The following C12orf75 variants were observed in gnomAD, a reference collection of about 807,000 sequenced individuals.
C12orf75 encodes overexpressed in colon carcinoma 1 protein.
In C12orf75, 4 loss-of-function variants were observed where a neutral mutation model predicts 11.4. The observed-to-expected ratio is 0.35, with a 90% CI of 0.17 to 0.80. The LOEUF (loss-of-function observed/expected upper bound fraction) is 0.80. Ranked by LOEUF, C12orf75 falls within the 30% of genes least tolerant of loss-of-function variation. The pLI is 0.52. For missense variants in C12orf75, 89 were observed against 80.4 expected, an observed-to-expected ratio of 1.11 and a Z score of -0.41; for synonymous variants, 30 against 30.0, an observed-to-expected ratio of 1.00 and a Z score of 0.00.
At chr12:105,358,291 G>A (rs1174257473) in intron 2 of C12orf75, among the ~76,000 whole-genome samples, 2 of 152,198 alleles carry the variant, frequency 1.3e-5, no homozygotes. Flanking sequence ...TAAGGTGGGA[G>A]GATCACTTGA....
intron 2 of C12orf75, among the ~76,000 whole-genome samples, chr12:105,354,117 TGTA>T (rs1892746602): frequency 6.6e-6 from 1 of 152,166 alleles, no homozygotes; most frequent in South Asian, 2.1e-4. Flanking sequence ...TTCTCATCCA[TGTA>T]GTAGAAGGTA....
intron 1 of C12orf75, among the ~76,000 whole-genome samples, chr12:105,346,849 C>T (rs1413635170): frequency 6.6e-6 from 1 of 152,218 alleles, no homozygotes; most frequent in Non-Finnish European, 1.5e-5. Flanking sequence ...TTTTACACCT[C>T]TGTGACTTGT....
intron 1 of C12orf75, among the ~76,000 whole-genome samples, chr12:105,345,944 G>A (rs1295728671): frequency 6.6e-6 from 1 of 151,972 alleles, no homozygotes. Context: ...AATTACAGGC[G>A]TGAGCCACCG....
rs537233281 is a variant in C12orf75, at chr12:105,369,375, C to T, written c.*34-1259C>T. ...GTATTTTATTGCACCCCTCTCTCTC[C>T]TCAACTTTCCCCATTCTTTAACTCT... On this transcript the variant is annotated intron_variant, in intron 5 of 5. Coordinates refer to ENST00000443585, the MANE Select transcript of C12orf75 (RefSeq NM_001145199.2). Among the ~76,000 whole-genome samples the T allele has an allele frequency of 5.3e-5, 8 of 152,284 alleles. No homozygotes were observed. In the South Asian group the frequency reaches 1.7e-3, roughly 32 times the overall value.
At chr12:105,357,764 G>A (rs192747866) in intron 2 of C12orf75, among the ~76,000 whole-genome samples, 12 of 139,434 alleles carry the variant, frequency 8.6e-5, no homozygotes, top group African/African-American at 2.6e-5. Flanking sequence ...TTAGTTGAAT[G>A]CCCAATGTAT....
intron 2 of C12orf75, among the ~76,000 whole-genome samples, chr12:105,364,023 G>A (rs1022819002): frequency 1.3e-5 from 2 of 152,144 alleles, no homozygotes; most frequent in South Asian, 4.1e-4. Context: ...TTAAGCAAAA[G>A]GGGAAAGAAT....
chr12:105,366,597 T>A lies in C12orf75; in HGVS notation c.108-20T>A, dbSNP rs767282076. On this transcript the variant is annotated intron_variant, in intron 3 of 5. Transcript: ENST00000443585. ...AAATAGATAGTACCATTTAAATTGGTTTGATTTCTTTTTATCAAGAAACTA... is the reference window on the plus strand; with the variant it reads ...AAATAGATAGTACCATTTAAATTGGATTGATTTCTTTTTATCAAGAAACTA... 5 of 1,366,466 alleles carry A rather than the reference T, an allele frequency of 3.7e-6. No homozygotes were observed. In the South Asian group the frequency reaches 5.1e-5, roughly 14 times the overall value. The allele number at this position is 1,366,466 out of a possible 1,614,324, so 84.6% of individuals were successfully genotyped here. A position where few individuals can be genotyped will look rare whatever the true frequency, so the allele number is the denominator to read the frequency against.
chr12:105,357,837 G>C (rs1418282486), intron 2 of C12orf75, among the ~76,000 whole-genome samples: 1 of 138,834 alleles, frequency 7.2e-6, no homozygotes, highest in African/African-American at 2.6e-5. Context: ...AGAGGAGAGA[G>C]AGAGAGACAG....
chr12:105,357,278 A>C lies in C12orf75; in HGVS notation c.72-8529A>C, dbSNP rs138783342. ...TCACAGGAAGTGAGCTAGAAGTGGA[A>C]TTAATAGAAACTCTGAGACAGAGGA... On this transcript the variant is annotated intron_variant, in intron 2 of 5. Transcript: ENST00000443585. Among the ~76,000 whole-genome samples, 28 of 152,362 alleles carry C rather than the reference A, an allele frequency of 1.8e-4. 1 individual carries two copies. In the East Asian group the frequency reaches 5.0e-3, roughly 27 times the overall value.
At chr12:105,335,094 G>A (rs1309671539) in intron 1 of C12orf75, among the ~76,000 whole-genome samples, 2 of 152,162 alleles carry the variant, frequency 1.3e-5, no homozygotes, top group East Asian at 1.9e-4. Context: ...TCTTAACTTT[G>A]CAGGCAACTT....
Position 105,370,740 on chromosome 12 carries a change from A to G in C12orf75, c.*140A>G, listed in dbSNP as rs2136154182. ...CACCCTTCCCTTTTGCATTCCCCCA[A>G]ATCTTAAGTGTATACATAAAACCCT... On this transcript the variant is annotated 3_prime_UTR_variant, in exon 6 of 6. Coordinates refer to ENST00000443585, the MANE Select transcript of C12orf75 (RefSeq NM_001145199.2). The G allele has an allele frequency of 6.6e-6, 3 of 457,608 alleles. No individual in the cohort carries two copies. The allele number at this position is 457,608 out of a possible 1,614,324, so 28.3% of individuals were successfully genotyped here. A position where few individuals can be genotyped will look rare whatever the true frequency, so the allele number is the denominator to read the frequency against.
chr12:105,342,886 A>C (rs935879666), intron 1 of C12orf75, among the ~76,000 whole-genome samples: 2 of 152,246 alleles, frequency 1.3e-5, no homozygotes, highest in East Asian at 3.8e-4. Context: ...GGGATTTGCT[A>C]TGCATTTTTA....
At chr12:105,333,158 CTT>C (rs1892457941) in intron 1 of C12orf75, among the ~76,000 whole-genome samples, 1 of 152,200 alleles carries the variant, frequency 6.6e-6, no homozygotes, top group Non-Finnish European at 1.5e-5. Flanking sequence ...ATGCCCTTGT[CTT>C]GGAGAAGCCA....
intron 1 of C12orf75, among the ~76,000 whole-genome samples, chr12:105,337,719 G>A (rs894781022): frequency 2.0e-5 from 3 of 152,186 alleles, no homozygotes; most frequent in Admixed American, 6.5e-5. Context: ...GTAACCCCTG[G>A]TTACGTGACT....
At chr12:105,353,657 C>G (rs568160674) in intron 2 of C12orf75, 3 of 152,106 alleles carry the variant, frequency 2.0e-5, no homozygotes, top group African/African-American at 7.2e-5. Context: ...TTTTCGTGTT[C>G]TTAAAGAAGT....
At position 105,366,646 on chromosome 12, in the gene C12orf75, C is replaced by T; in HGVS notation, c.137C>T (p.Pro46Leu). 2 of 1,541,726 alleles carry T rather than the reference C, an allele frequency of 1.3e-6. No individual in the cohort carries two copies. Among genetic ancestry groups the T allele is most frequent in the South Asian group, 1.2e-5 (1 of 83,554 alleles). Residue 46 changes from proline to leucine, a missense_variant, in exon 4 of 6, where the codon CCA (proline) becomes CTA (leucine). Pro to Leu is a moderately conservative substitution (Grantham distance 98, BLOSUM62 -3). Coordinates refer to ENST00000443585, the MANE Select transcript of C12orf75 (RefSeq NM_001145199.2). ...TATGGAGGAGTATATGTTGGCCTAC[C>T]ATCTGAAGCTGTCAATATGGTGTCC... The part of the protein sequence containing the change: ...RNYGGVYVGL[P>L]SEAVNMVSSQ...
chr12:105,369,000 C>T (rs1022837532), intron 5 of C12orf75, among the ~76,000 whole-genome samples: 9 of 152,126 alleles, frequency 5.9e-5, no homozygotes, highest in Non-Finnish European at 1.3e-4. Flanking sequence ...TTATTTGTAT[C>T]AAATAGAAAA....
chr12:105,359,379 T>C (rs1892827995), intron 2 of C12orf75, among the ~76,000 whole-genome samples: 1 of 152,188 alleles, frequency 6.6e-6, no homozygotes, highest in Non-Finnish European at 1.5e-5. Flanking sequence ...CTAAGTTGCT[T>C]CTCTCCCATT....
intron 1 of C12orf75, 48 bp downstream of exon 1, chr12:105,330,985 G>A (rs1176282998): frequency 1.8e-6 from 2 of 1,113,322 alleles, no homozygotes; most frequent in African/African-American, 1.6e-5. Flanking sequence ...CGGGAGAGGC[G>A]GCGGGAAGGA....
Sources: allele counts gnomAD v4.1 joint callset (sites outside exome capture counted in the v4.1 genomes callset), GRCh38; gene constraint gnomAD v4.1.1; transcripts MANE v1.5; gene names NCBI Gene and HGNC (gene_info 2026-07-23, HGNC 2026-07-21).